Variants in VTI1A observed in about 807,000 individuals in gnomAD.
The protein encoded by VTI1A is vesicle transport through interaction with t-SNAREs 1A.
VTI1A carries 22 observed loss-of-function variants against 34.9 expected under a neutral mutation model. The ratio of observed to expected loss-of-function variants is 0.63; its 90% CI spans 0.45 to 0.90. The LOEUF (loss-of-function observed/expected upper bound fraction) is 0.90, where lower values mean the gene tolerates loss of function less well. Ranked by LOEUF, VTI1A falls within the 40% of genes least tolerant of loss-of-function variation. The pLI is 0.00. For synonymous variants in VTI1A, 87 were observed against 97.3 expected, an observed-to-expected ratio of 0.89 and a Z score of 0.62; for missense variants, 268 against 275.6, an observed-to-expected ratio of 0.97 and a Z score of 0.20.
intron 5 of VTI1A, among the ~76,000 whole-genome samples, chr10:112,646,344 C>T (rs1454727669): frequency 1.3e-5 from 2 of 151,990 alleles, no homozygotes; most frequent in Non-Finnish European, 2.9e-5. Flanking sequence ...GTGAGGCACC[C>T]AGTAGATTAT....
At chr10:112,624,554 TA>T (rs1025127324) in intron 5 of VTI1A, among the ~76,000 whole-genome samples, 5 of 152,184 alleles carry the variant, frequency 3.3e-5, no homozygotes, top group East Asian at 1.9e-4. Context: ...ATGTTTTTTT[TA>T]AAAAAAGTTC....
At chr10:112,663,517 A>G (rs373160674) in intron 5 of VTI1A, among the ~76,000 whole-genome samples, 2 of 152,290 alleles carry the variant, frequency 1.3e-5, no homozygotes, top group East Asian at 1.9e-4. Flanking sequence ...AGTTCCTCAC[A>G]TGTCTTAGGT....
chr10:112,465,467 T>C (rs773685750), intron 3 of VTI1A, among the ~76,000 whole-genome samples: 3 of 152,196 alleles, frequency 2.0e-5, no homozygotes, highest in Non-Finnish European at 4.4e-5. Context: ...TAAGCATCCA[T>C]TGTTAAATAA....
intron 7 of VTI1A, among the ~76,000 whole-genome samples, chr10:112,738,494 G>C (rs1267829828): frequency 1.3e-5 from 2 of 152,124 alleles, no homozygotes; most frequent in Non-Finnish European, 2.9e-5. Context: ...CACAGTTCTT[G>C]GTCCTCAGTG....
At chr10:112,729,266 T>G (rs1850160917) in intron 7 of VTI1A, among the ~76,000 whole-genome samples, 1 of 152,190 alleles carries the variant, frequency 6.6e-6, no homozygotes. Context: ...ACTCTTTAAA[T>G]AATGTGTTGA....
intron 5 of VTI1A, among the ~76,000 whole-genome samples, chr10:112,602,571 T>G (rs1844917700): frequency 2.0e-5 from 3 of 152,236 alleles, no homozygotes; most frequent in Admixed American, 2.0e-4. Context: ...AATGCCTCAA[T>G]TAATGTGAAG....
intron 5 of VTI1A, among the ~76,000 whole-genome samples, chr10:112,598,149 A>G (rs1844738368): frequency 2.6e-5 from 4 of 152,224 alleles, no homozygotes; most frequent in South Asian, 2.1e-4. Flanking sequence ...TCAGAGTAAC[A>G]TGAGACTAGC....
chr10:112,735,672 T>C (rs1850425384), intron 7 of VTI1A, among the ~76,000 whole-genome samples: 1 of 152,200 alleles, frequency 6.6e-6, no homozygotes, highest in African/African-American at 2.4e-5. Flanking sequence ...TAAACAAAGC[T>C]GTTAAAAACT....
At chr10:112,572,049 T>C (rs1298596177) in intron 5 of VTI1A, among the ~76,000 whole-genome samples, 1 of 99,638 alleles carries the variant, frequency 1.0e-5, no homozygotes, top group Non-Finnish European at 2.1e-5. Flanking sequence ...ACAACTTGAA[T>C]GACAGGATCA....
At chr10:112,747,616 G>A (rs775541198) in intron 7 of VTI1A, among the ~76,000 whole-genome samples, 111 of 152,300 alleles carry the variant, frequency 7.3e-4, no homozygotes, top group Middle Eastern at 3.4e-3. Flanking sequence ...GGGGTGCCTA[G>A]AATAAAACAT....
chr10:112,580,896 A>G (rs1384552549), intron 5 of VTI1A, among the ~76,000 whole-genome samples: 1 of 152,180 alleles, frequency 6.6e-6, no homozygotes, highest in African/African-American at 2.4e-5. Flanking sequence ...ACGTACTGGA[A>G]TTACGAATGT....
chr10:112,597,736 C>T (rs1844717396), intron 5 of VTI1A, among the ~76,000 whole-genome samples: 1 of 120,530 alleles, frequency 8.3e-6, no homozygotes. Flanking sequence ...CTCGCTCTGT[C>T]GCCCAGGCTG....
In VTI1A at chr10:112,646,758, G is replaced by T. The variant is rs186474596; in HGVS notation, c.428-21460G>T. The stretch of plus-strand genomic sequence containing the variant: ...ACTCGTGACCTCAGGTGATCCACCC[G>T]CCTCAGCCTCCCAAAGTGCTGGAAT... On this transcript the variant is annotated intron_variant, in intron 5 of 7. Coordinates refer to ENST00000393077, the MANE Select transcript of VTI1A (RefSeq NM_145206.4). Among the ~76,000 whole-genome samples, 351 of 152,090 alleles carry T rather than the reference G, an allele frequency of 2.3e-3. 5 individuals carry two copies. The highest frequency in any genetic ancestry group is 8.3e-3 in the African/African-American group (343 of 41,486).
chr10:112,803,471 G>A (rs1050804647), intron 7 of VTI1A, among the ~76,000 whole-genome samples: 1 of 152,262 alleles, frequency 6.6e-6, no homozygotes, highest in African/African-American at 2.4e-5. Context: ...GTTAGAGGCA[G>A]TGGCCGCTTG....
At chr10:112,759,693 A>C (rs1226902251) in intron 7 of VTI1A, among the ~76,000 whole-genome samples, 1 of 152,196 alleles carries the variant, frequency 6.6e-6, no homozygotes, top group East Asian at 1.9e-4. Flanking sequence ...TTATTGGTTC[A>C]AGAAGCAGAT....
At chr10:112,630,044 A>G (rs1478427820) in intron 5 of VTI1A, among the ~76,000 whole-genome samples, 2 of 152,214 alleles carry the variant, frequency 1.3e-5, no homozygotes, top group Non-Finnish European at 2.9e-5. Context: ...AATTGTGCCT[A>G]AAGGTGTTTG....
chr10:112,730,443 CATTT>C (rs1850209108), intron 7 of VTI1A, among the ~76,000 whole-genome samples: 1 of 152,186 alleles, frequency 6.6e-6, no homozygotes, highest in African/African-American at 2.4e-5. Flanking sequence ...CCTTTACATT[CATTT>C]AGAGTGAGGG....
chr10:112,837,969 G>T, the VTI1A span, among the ~76,000 whole-genome samples: 1 of 152,280 alleles, frequency 6.6e-6, no homozygotes, highest in South Asian at 2.1e-4. Context: ...CCTTAAAAGG[G>T]CCCTCTTACG....
intron 5 of VTI1A, among the ~76,000 whole-genome samples, chr10:112,618,518 T>TAGAGAGAGAGAG (rs1229141246): frequency 0.031 from 1,463 of 47,140 alleles, 41 homozygotes; most frequent in Non-Finnish European, 0.041. Flanking sequence ...TATATATATA[T>TAGAGAGAGAGAG]ATATATAGAG....
Sources: allele counts gnomAD v4.1 joint callset (sites outside exome capture counted in the v4.1 genomes callset), GRCh38; gene constraint gnomAD v4.1.1; transcripts MANE v1.5; gene names NCBI Gene and HGNC (gene_info 2026-07-23, HGNC 2026-07-21).